The following CTNNA3 variants were observed in gnomAD, a reference collection of about 807,000 sequenced individuals.
The protein encoded by CTNNA3 is catenin alpha 3, also known as catenin alpha-3.
Under a neutral mutation model 95.7 loss-of-function variants are expected in CTNNA3, and 76 were observed. The observed-to-expected ratio is 0.79, with a 90% CI of 0.66 to 0.96. The LOEUF is 0.96. CTNNA3 is among the 40% of genes least tolerant of loss of function. The probability of loss-of-function intolerance (pLI) is 0.00; values close to 1 mark genes in which losing one functional copy is unlikely to be tolerated. For synonymous variants in CTNNA3, 431 were observed against 374.4 expected, an observed-to-expected ratio of 1.15 and a Z score of -1.74; for missense variants, 1,191 against 1,089.8, an observed-to-expected ratio of 1.09 and a Z score of -1.31.
chr10:67,497,223 GT>G (rs1839054316), intron 5 of CTNNA3, among the ~76,000 whole-genome samples: 1 of 152,090 alleles, frequency 6.6e-6, no homozygotes, highest in Non-Finnish European at 1.5e-5. Flanking sequence ...GAGAATAATG[GT>G]TTCCAGCTTC....
intron 1 of CTNNA3, among the ~76,000 whole-genome samples, chr10:67,731,992 G>C (rs1392723518): frequency 2.6e-5 from 4 of 151,636 alleles, no homozygotes; most frequent in African/African-American, 7.3e-5. Flanking sequence ...GTGTTGACCA[G>C]GCTGGTCTCG....
chr10:67,360,996 T>A (rs1393143633), intron 5 of CTNNA3, among the ~76,000 whole-genome samples: 1 of 151,676 alleles, frequency 6.6e-6, no homozygotes, highest in African/African-American at 2.4e-5. Context: ...AAAACAGACT[T>A]TAAACCATCT....
At chr10:67,155,167 T>C (rs1431014729) in intron 7 of CTNNA3, among the ~76,000 whole-genome samples, 1 of 99,034 alleles carries the variant, frequency 1.0e-5, no homozygotes, top group Non-Finnish European at 1.9e-5. Context: ...TTCATTAATA[T>C]ATCCTCAGCA....
chr10:66,460,815 T>C (rs185414155), intron 11 of CTNNA3, among the ~76,000 whole-genome samples: 59 of 152,290 alleles, frequency 3.9e-4, no homozygotes, highest in South Asian at 6.2e-4. Context: ...TTATTACTTA[T>C]AGTTTAAACT....
chr10:67,709,408 T>C (rs936654508), intron 1 of CTNNA3, among the ~76,000 whole-genome samples: 1 of 152,140 alleles, frequency 6.6e-6, no homozygotes, highest in Non-Finnish European at 1.5e-5. Flanking sequence ...TTGCATGGGA[T>C]GTGGGGACAA....
chr10:67,350,566 A>T (rs1042322965), intron 5 of CTNNA3, among the ~76,000 whole-genome samples: 2 of 87,886 alleles, frequency 2.3e-5, no homozygotes, highest in Admixed American at 2.3e-4. Flanking sequence ...AATGGTTAGT[A>T]AAAAAAAAAA....
intron 3 of CTNNA3, among the ~76,000 whole-genome samples, chr10:67,592,770 C>T (rs1387093659): frequency 6.6e-6 from 1 of 152,174 alleles, no homozygotes; most frequent in African/African-American, 2.4e-5. Context: ...AATCCTCTCA[C>T]AAATAACAGA....
intron 7 of CTNNA3, among the ~76,000 whole-genome samples, chr10:66,993,326 A>G (rs1851143931): frequency 6.6e-6 from 1 of 152,166 alleles, no homozygotes. Context: ...ACATCACTCA[A>G]AGCCACCTCT....
At chr10:67,075,845 C>T (rs2131862790) in intron 7 of CTNNA3, among the ~76,000 whole-genome samples, 1 of 152,356 alleles carries the variant, frequency 6.6e-6, no homozygotes, top group East Asian at 1.9e-4. Flanking sequence ...GCTTTTATAA[C>T]TAGCCAGCAA....
At chr10:66,961,944 C>A (rs1183358516) in intron 7 of CTNNA3, among the ~76,000 whole-genome samples, 1 of 152,130 alleles carries the variant, frequency 6.6e-6, no homozygotes, top group African/African-American at 2.4e-5. Flanking sequence ...CCACTTCCAA[C>A]TCATCACTAA....
At chr10:67,608,921 T>C (rs1022274030) in intron 2 of CTNNA3, among the ~76,000 whole-genome samples, 4 of 151,674 alleles carry the variant, frequency 2.6e-5, no homozygotes, top group African/African-American at 9.7e-5. Flanking sequence ...ACAAACCCCC[T>C]CTCTACTAAA....
chr10:66,272,263 T>C (rs1399308815), intron 13 of CTNNA3, among the ~76,000 whole-genome samples: 1 of 152,190 alleles, frequency 6.6e-6, no homozygotes, highest in Non-Finnish European at 1.5e-5. Flanking sequence ...GTGTTTTAAC[T>C]GGCATTCCAT....
intron 1 of CTNNA3, among the ~76,000 whole-genome samples, chr10:67,752,792 C>T (rs1841414026): frequency 6.6e-6 from 1 of 152,104 alleles, no homozygotes. Context: ...TCAAGGAGAA[C>T]TACAAACCAC....
At chr10:65,969,182 G>A (rs2133264359) in intron 16 of CTNNA3, among the ~76,000 whole-genome samples, 1 of 151,456 alleles carries the variant, frequency 6.6e-6, no homozygotes, top group East Asian at 1.9e-4. Flanking sequence ...ACCTTACCCA[G>A]CATTCTCTAA....
intron 1 of CTNNA3, among the ~76,000 whole-genome samples, chr10:67,671,957 C>A (rs1053730646): frequency 6.6e-6 from 1 of 152,006 alleles, no homozygotes; most frequent in African/African-American, 2.4e-5. Flanking sequence ...AATGGTTGAA[C>A]TAGTTTACAG....
chr10:67,150,948 G>T (rs1861060494), intron 7 of CTNNA3, among the ~76,000 whole-genome samples: 1 of 151,714 alleles, frequency 6.6e-6, no homozygotes, highest in Non-Finnish European at 1.5e-5. Flanking sequence ...ATAGTAAGAG[G>T]TATGTCCCCA....
chr10:66,322,646 C>G (rs114981035), intron 12 of CTNNA3, among the ~76,000 whole-genome samples: 1 of 152,050 alleles, frequency 6.6e-6, no homozygotes, highest in African/African-American at 2.4e-5. Context: ...AGGAAAAGAA[C>G]AAATCCTGGT....
At chr10:66,464,621 G>A (rs572384722) in intron 11 of CTNNA3, among the ~76,000 whole-genome samples, 53 of 151,904 alleles carry the variant, frequency 3.5e-4, no homozygotes, top group Non-Finnish European at 6.6e-4. Context: ...AAATTAGCTG[G>A]GTGTGGTGGT....
intron 11 of CTNNA3, among the ~76,000 whole-genome samples, chr10:66,499,659 G>A (rs1213545886): frequency 2.0e-5 from 3 of 152,056 alleles, no homozygotes; most frequent in Non-Finnish European, 4.4e-5. Context: ...GAGAATTTGA[G>A]CAATTAAGGA....
Sources: allele counts gnomAD v4.1 joint callset (sites outside exome capture counted in the v4.1 genomes callset), GRCh38; gene constraint gnomAD v4.1.1; transcripts MANE v1.5; gene names NCBI Gene and HGNC (gene_info 2026-07-23, HGNC 2026-07-21).